The following GRB10 variants were observed in gnomAD, a reference collection of about 807,000 sequenced individuals.
The protein encoded by GRB10 is growth factor receptor-bound protein 10.
In GRB10, 20 loss-of-function variants were observed where a neutral mutation model predicts 80.9. The ratio of observed to expected loss-of-function variants is 0.25; its 90% CI spans 0.17 to 0.36. The LOEUF (loss-of-function observed/expected upper bound fraction) is 0.36, where lower values mean the gene tolerates loss of function less well. GRB10 is among the 10% of genes least tolerant of loss of function. The pLI is 1.00. For synonymous variants in GRB10, 291 were observed against 291.5 expected (o/e 1.00, Z 0.02); for missense variants, 548 against 747.7 (o/e 0.73, Z 3.12).
intron 5 of GRB10, among the ~76,000 whole-genome samples, chr7:50,692,523 G>T (rs6976501): frequency 6.6e-6 from 1 of 151,830 alleles, no homozygotes. Flanking sequence ...GCTAGGGACC[G>T]GTTTCTACCT....
intron 6 of GRB10, among the ~76,000 whole-genome samples, chr7:50,670,155 C>T (rs73116822): frequency 0.09 from 13,646 of 152,168 alleles, 808 homozygotes; most frequent in South Asian, 0.12. Context: ...ACCCTGAAGA[C>T]ATTATGCAGA....
At chr7:50,646,664 T>G (rs574368970) in intron 7 of GRB10, among the ~76,000 whole-genome samples, 44 of 152,318 alleles carry the variant, frequency 2.9e-4, no homozygotes, top group African/African-American at 1.0e-3. Flanking sequence ...ACGCCCTGAC[T>G]GAATGAACCA....
intron 7 of GRB10, among the ~76,000 whole-genome samples, chr7:50,642,671 A>G (rs1302078883): frequency 6.6e-6 from 1 of 152,136 alleles, no homozygotes; most frequent in East Asian, 1.9e-4. Flanking sequence ...TACTGCAAAC[A>G]TTTCAAAATC....
At chr7:50,734,519 C>T (rs1013151168) in intron 3 of GRB10, among the ~76,000 whole-genome samples, 7 of 152,136 alleles carry the variant, frequency 4.6e-5, no homozygotes, top group African/African-American at 1.7e-4. Context: ...CCAGCTCATC[C>T]GTGGAGACTC....
At position 50,590,819 on chromosome 7, in the gene GRB10, T is replaced by G. The variant is rs1193931607; in HGVS notation, c.*2133A>C. On this transcript the variant is annotated 3_prime_UTR_variant, in exon 19 of 19. Transcript: ENST00000401949. Reference sequence around the variant, plus strand: ...CTTCGGCAGGGAAAATACAAAAGACTACGTCAAACCAGCTACATACAAAAC... The same window carrying G: ...CTTCGGCAGGGAAAATACAAAAGACGACGTCAAACCAGCTACATACAAAAC... 6.6e-6 allele frequency: 1 copy of G among 152,280 alleles called. No homozygotes were observed. 9.4% of individuals were successfully genotyped at this position (152,280 alleles called of 1,614,324 possible). A position where few individuals can be genotyped will look rare whatever the true frequency, so the allele number is the denominator to read the frequency against.
intron 3 of GRB10, among the ~76,000 whole-genome samples, chr7:50,755,126 C>T (rs940561487): frequency 6.6e-6 from 1 of 152,218 alleles, no homozygotes; most frequent in Non-Finnish European, 1.5e-5. Context: ...CGGGATACTG[C>T]GGGGAAGCCC....
chr7:50,610,304 G>A (rs915776870), intron 13 of GRB10, among the ~76,000 whole-genome samples: 2 of 152,236 alleles, frequency 1.3e-5, no homozygotes, highest in African/African-American at 4.8e-5. Flanking sequence ...CGTTTCGATT[G>A]CATTACAATC....
chr7:50,763,194 A>G (rs2075955285), intron 2 of GRB10, among the ~76,000 whole-genome samples: 1 of 152,126 alleles, frequency 6.6e-6, no homozygotes, highest in Non-Finnish European at 1.5e-5. Flanking sequence ...TCTCTTCTTT[A>G]CTGAAATAAG....
intron 4 of GRB10, chr7:50,705,104 G>A (rs754615848): frequency 4.1e-6 from 4 of 974,226 alleles, no homozygotes; most frequent in Non-Finnish European, 4.9e-6. Context: ...CATGAAATGG[G>A]ATGGATGCTC....
chr7:50,787,234 T>C (rs2078730396), upstream of GRB10, among the ~76,000 whole-genome samples: 1 of 150,776 alleles, frequency 6.6e-6, no homozygotes, highest in Non-Finnish European at 1.5e-5. Flanking sequence ...GAGTTTGAAA[T>C]CAAGAATCAC....
At chr7:50,617,894 C>T in intron 10 of GRB10, 177 bp downstream of exon 10, 3 of 658,436 alleles carry the variant, frequency 4.6e-6, no homozygotes, top group South Asian at 3.5e-5. Context: ...TCCAAGGAAA[C>T]TTTTAATTTC....
intron 18 of GRB10, 103 bp downstream of exon 18, chr7:50,595,334 G>A (rs2153560300): frequency 1.3e-6 from 1 of 770,934 alleles, no homozygotes; most frequent in African/African-American, 1.7e-5. Context: ...CCTTGAAACT[G>A]TCTGATACTT....
intron 17 of GRB10, 64 bp from the exon 18 acceptor site, chr7:50,595,594 C>T: frequency 7.7e-6 from 6 of 776,782 alleles, no homozygotes; most frequent in South Asian, 1.4e-5. Flanking sequence ...CACACACACA[C>T]ACTCTCTTAC....
intron 17 of GRB10, among the ~76,000 whole-genome samples, chr7:50,599,593 G>T: frequency 6.6e-6 from 1 of 152,310 alleles, no homozygotes; most frequent in East Asian, 1.9e-4. Flanking sequence ...GACAGCCTTG[G>T]AGACGAGGAA....
At chr7:50,680,865 C>T (rs1262567730) in intron 5 of GRB10, among the ~76,000 whole-genome samples, 1 of 152,048 alleles carries the variant, frequency 6.6e-6, no homozygotes, top group East Asian at 1.9e-4. Flanking sequence ...CATATTTAAT[C>T]CTATATCCAA....
intron 4 of GRB10, among the ~76,000 whole-genome samples, chr7:50,718,726 C>T (rs2067257620): frequency 6.6e-6 from 1 of 152,174 alleles, no homozygotes; most frequent in African/African-American, 2.4e-5. Flanking sequence ...AACGTTAAGT[C>T]CCGTGCATAC....
chr7:50,601,157 C>T (rs2047533564), intron 17 of GRB10, among the ~76,000 whole-genome samples: 1 of 152,194 alleles, frequency 6.6e-6, no homozygotes, highest in Non-Finnish European at 1.5e-5. Flanking sequence ...ATTTGCTTAA[C>T]GAGAGGCAGA....
At chr7:50,661,848 C>G (rs755721605) in intron 7 of GRB10, among the ~76,000 whole-genome samples, 51 of 152,296 alleles carry the variant, frequency 3.3e-4, no homozygotes, top group East Asian at 3.9e-4. Context: ...GTGACAAGCC[C>G]AACTCTGGTC....
chr7:50,657,457 C>G (rs906238643), intron 7 of GRB10, among the ~76,000 whole-genome samples: 2 of 152,072 alleles, frequency 1.3e-5, no homozygotes, highest in Non-Finnish European at 2.9e-5. Context: ...ACTGTGTGAG[C>G]GGAAACACTA....
Sources: allele counts gnomAD v4.1 joint callset (sites outside exome capture counted in the v4.1 genomes callset), GRCh38; gene constraint gnomAD v4.1.1; transcripts MANE v1.5; gene names NCBI Gene and HGNC (gene_info 2026-07-23, HGNC 2026-07-21).